The following CCDC27 variants were observed in gnomAD, a reference collection of about 807,000 sequenced individuals.
The protein encoded by CCDC27 is coiled-coil domain-containing protein 27.
A neutral mutation model predicts 80.3 loss-of-function variants in CCDC27; 80 were observed. The ratio of observed to expected loss-of-function variants is 1.00; its 90% confidence interval spans 0.83 to 1.20. The LOEUF (loss-of-function observed/expected upper bound fraction) is 1.20. CCDC27 is among the 50% of genes most tolerant of loss of function. The pLI is 0.00. For synonymous variants in CCDC27, 342 were observed against 334.3 expected (o/e 1.02, Z -0.25); for missense variants, 815 against 809.4 (o/e 1.01, Z -0.08).
chr1:3,755,158 C>T lies in CCDC27; in HGVS notation c.443-299C>T, dbSNP rs1030437599. Among the ~76,000 whole-genome samples, 4 of 152,302 alleles carry T rather than the reference C, an allele frequency of 2.6e-5. No homozygotes were observed. In the South Asian group the frequency reaches 8.3e-4, roughly 32 times the overall value. On this transcript the variant is annotated intron_variant, in intron 2 of 11. Coordinates refer to ENST00000294600, the MANE Select transcript of CCDC27 (RefSeq NM_152492.3). Reference sequence around the variant, plus strand: ...GCTGGTCTGGAGGCAGGGGAGCTTCCGTTCGACTTTTAGGAGGCACATTTT... The same window carrying T: ...GCTGGTCTGGAGGCAGGGGAGCTTCTGTTCGACTTTTAGGAGGCACATTTT...
At chr1:3,762,785 G>A in intron 6 of CCDC27, 73 bp downstream of exon 6, 1 of 1,356,526 alleles carries the variant, frequency 7.4e-7, no homozygotes, top group Non-Finnish European at 1.0e-6. Context: ...GCTTAACTAA[G>A]AGGCCCAGGC....
In CCDC27 at chr1:3,762,850, G is replaced by A. The variant is rs1287665566; in HGVS notation, c.954+138G>A. On this transcript the variant is annotated intron_variant, in intron 6 of 11. Transcript: ENST00000294600. ...GGGGTGCCCCACTCCAGGGGAGCAG[G>A]TGAGGTGGGTGGGTCGTTAGCCCCC... The A allele has an allele frequency of 4.6e-6, 4 of 869,834 alleles. No individual in the cohort carries two copies. In the Admixed American group the frequency reaches 8.5e-5, roughly 19 times the overall value. 53.9% of individuals were successfully genotyped at this position (869,834 alleles called of 1,614,324 possible).
chr1:3,764,606 TAAATA>T (rs771192747), intron 8 of CCDC27, among the ~76,000 whole-genome samples: 3 of 152,168 alleles, frequency 2.0e-5, no homozygotes, highest in Non-Finnish European at 4.4e-5. Context: ...CACACATACA[TAAATA>T]AAATAAGTTT....
rs1642859996 is a variant in CCDC27, at chr1:3,752,943, C to A, written c.318+144C>A. ...TTACCAAAGGGGGATTCCAGGCAGGCAACGAATTGAGCGCTAGGGGTGGAA... is the reference window on the plus strand; with the variant it reads ...TTACCAAAGGGGGATTCCAGGCAGGAAACGAATTGAGCGCTAGGGGTGGAA... On this transcript the variant is annotated intron_variant, in intron 1 of 11. Coordinates refer to ENST00000294600, the MANE Select transcript of CCDC27 (RefSeq NM_152492.3). 4 of 968,182 alleles carry A rather than the reference C, an allele frequency of 4.1e-6. No individual in the cohort carries two copies. In the Admixed American group the frequency reaches 8.2e-5, roughly 20 times the overall value. The allele number at this position is 968,182 out of a possible 1,614,324, so 60.0% of individuals were successfully genotyped here.
chr1:3,752,793 G>A lies in CCDC27; in HGVS notation c.312G>A (p.Arg104=), dbSNP rs138813931. The A allele has an allele frequency of 1.2e-6, 2 of 1,611,556 alleles. No homozygotes were observed. The highest frequency in any genetic ancestry group is 1.1e-5 in the South Asian group (1 of 91,036). The change falls in exon 1 of 12, where the codon AGG becomes AGA. Residue 104 remains arginine (R), a synonymous_variant. Coordinates refer to ENST00000294600, the MANE Select transcript of CCDC27 (RefSeq NM_152492.3). ...TCCAGACCATCAGCCGCTACTACAG[G>A]AAGACGGTATGGGGTCCCGGGAGGA... ...KSVQTISRYY[R]KTSEPKDAAS... is the part of the protein sequence containing the mutation.
intron 10 of CCDC27, 120 bp downstream of exon 10, chr1:3,767,565 T>G (rs1643257752): frequency 2.0e-5 from 16 of 787,018 alleles, no homozygotes; most frequent in Admixed American, 1.9e-4. Context: ...CTCGGGCTGG[T>G]TCTGCCGTGT....
intron 3 of CCDC27, 95 bp downstream of exon 3, chr1:3,755,662 C>T (rs1642935534): frequency 1.9e-6 from 2 of 1,062,274 alleles, no homozygotes. Context: ...CTGCGGAATT[C>T]CCTCCCGGGA....
intron 2 of CCDC27, among the ~76,000 whole-genome samples, chr1:3,755,239 A>G (rs1266472875): frequency 6.6e-6 from 1 of 152,114 alleles, no homozygotes; most frequent in East Asian, 1.9e-4. Flanking sequence ...CAGCTAGAGA[A>G]ATTCAGCCAC....
At chr1:3,755,655 C>T (rs779617326) in intron 3 of CCDC27, 88 bp downstream of exon 3, 54 of 1,121,508 alleles carry the variant, frequency 4.8e-5, no homozygotes, top group Non-Finnish European at 6.4e-5. Flanking sequence ...TTGTGCCCTG[C>T]GGAATTCCCT....
chr1:3,756,780 C>T lies in CCDC27; in HGVS notation c.601C>T (p.Arg201Trp), dbSNP rs765862740. The change falls in exon 4 of 12, where the codon CGG (arginine) becomes TGG (tryptophan). Residue 201 changes from arginine to tryptophan, a missense_variant. Coordinates refer to ENST00000294600, the MANE Select transcript of CCDC27 (RefSeq NM_152492.3). ...GAGCATCTGCGAGTTCGATTACTTG[C>T]GGAAGAGGAGAAAATCCCAGACTTT... is the stretch of plus-strand genomic sequence containing the variant. Reference protein sequence around the residue: ...SKSICEFDYLRKRRKSQTLSP... With the variant: ...SKSICEFDYLWKRRKSQTLSP... The T allele has an allele frequency of 2.7e-5, 44 of 1,613,922 alleles. No individual in the cohort carries two copies. The highest frequency in any genetic ancestry group is 1.6e-4 in the Middle Eastern group (1 of 6,080).
At chr1:3,762,516 C>T in intron 5 of CCDC27, 104 bp from the exon 6 acceptor site, 1 of 892,132 alleles carries the variant, frequency 1.1e-6, no homozygotes, top group Non-Finnish European at 1.7e-6. Flanking sequence ...AGGTCCCCTC[C>T]CCAGACATGA....
Position 3,766,916 on chromosome 1 carries a change from C to T in CCDC27, c.1530+304C>T, listed in dbSNP as rs968761125. On this transcript the variant is annotated intron_variant, in intron 9 of 11. Coordinates refer to ENST00000294600, the MANE Select transcript of CCDC27 (RefSeq NM_152492.3). This position sits in a 1 kb window ranked among gnomAD's most constrained non-coding sequence, Gnocchi z 6.1. ...AGTGCAGTGGTGTGATCTCAGCTCA[C>T]TGCAACCTCCGCCTCCTGGGTTCAA... 6.8e-6 allele frequency among the ~76,000 whole-genome samples: 1 copy of T among 148,060 alleles called. No individual in the cohort carries two copies.
Position 3,755,574 on chromosome 1 carries a change from G to C in CCDC27, c.553+7G>C. On this transcript the variant is annotated splice_region_variant and intron_variant, in intron 3 of 11. Coordinates refer to ENST00000294600, the MANE Select transcript of CCDC27 (RefSeq NM_152492.3). The stretch of plus-strand genomic sequence containing the variant: ...TCAGACACGAACGTGGACGGTGAGG[G>C]AGCCCCTAGGGCCTCTGCCTGCACC... The C allele has an allele frequency of 6.2e-7, 1 of 1,610,382 alleles. No homozygotes were observed. Among genetic ancestry groups the C allele is most frequent in the Non-Finnish European group, 8.5e-7 (1 of 1,176,986 alleles).
intron 3 of CCDC27, chr1:3,756,494 T>A (rs941374274): frequency 6.7e-6 from 3 of 445,134 alleles, no homozygotes; most frequent in Non-Finnish European, 4.1e-6. Context: ...CTTCCGCACC[T>A]TCCTGCACTC....
intron 10 of CCDC27, 98 bp downstream of exon 10, chr1:3,767,543 T>A (rs1181872): frequency 0.46 from 495,615 of 1,077,228 alleles, 119,591 homozygotes; most frequent in African/African-American, 0.74. Context: ...CCGGGGTCTG[T>A]GTACGCTGGG....
chr1:3,756,901 A>G lies in CCDC27; in HGVS notation c.711+11A>G, dbSNP rs765308457. Reference sequence around the variant, plus strand: ...GTCATCCACGAGAAGGTACTGGCGGAGGGGGTGCAAATCCCGGCCCCCCAC... The same window carrying G: ...GTCATCCACGAGAAGGTACTGGCGGGGGGGGTGCAAATCCCGGCCCCCCAC... On this transcript the variant is annotated intron_variant, in intron 4 of 11. Transcript: ENST00000294600. 4 of 1,605,694 alleles carry G rather than the reference A, an allele frequency of 2.5e-6. No individual in the cohort carries two copies. The highest frequency in any genetic ancestry group is 3.4e-6 in the Non-Finnish European group (4 of 1,175,130).
chr1:3,755,679 GC>G, intron 3 of CCDC27, 112 bp downstream of exon 3: 1 of 892,998 alleles, frequency 1.1e-6, no homozygotes, highest in Non-Finnish European at 1.8e-6. Flanking sequence ...GGGACTGTCT[GC>G]CTCCTGAGGA....
At position 3,766,569 on chromosome 1, in the gene CCDC27, A is replaced by T. The variant is rs1308648316; in HGVS notation, c.1487A>T (p.Glu496Val). 1.2e-6 allele frequency: 2 copies of T among 1,613,872 alleles called. No individual in the cohort carries two copies. Among genetic ancestry groups the T allele is most frequent in the East Asian group, 4.5e-5 (2 of 44,858 alleles). The change falls in exon 9 of 12, where the codon GAG (glutamate) becomes GTG (valine). Residue 496 changes from glutamate (E) to valine (V), a missense_variant. Physicochemically the swap from Glu to Val is moderately radical, Grantham distance 121. Transcript: ENST00000294600. This position sits in a 1 kb window ranked among gnomAD's most constrained non-coding sequence, Gnocchi z 6.1. ...SNLREDKKHQ[E>V]MMGLIEKDNQ... Reference sequence around the variant, plus strand: ...CTCCGAGAAGATAAGAAACACCAAGAGATGATGGGGCTCATTGAAAAGGAC... The same window carrying T: ...CTCCGAGAAGATAAGAAACACCAAGTGATGATGGGGCTCATTGAAAAGGAC...
chr1:3,764,996 T>C (rs566395693), intron 8 of CCDC27, among the ~76,000 whole-genome samples: 1 of 147,952 alleles, frequency 6.8e-6, no homozygotes, highest in South Asian at 2.1e-4. Flanking sequence ...GATTGCACCA[T>C]TGCACTCCAG....
Sources: allele counts gnomAD v4.1 joint callset (sites outside exome capture counted in the v4.1 genomes callset), GRCh38; gene constraint gnomAD v4.1.1; non-coding constraint Gnocchi (gnomAD v3.1); transcripts MANE v1.5; gene names NCBI Gene and HGNC (gene_info 2026-07-23, HGNC 2026-07-21).